Variants in OSBPL8 observed in about 807,000 individuals in gnomAD.
OSBPL8 encodes the protein oxysterol-binding protein-related protein 8.
In OSBPL8, 59 loss-of-function variants were observed where a neutral mutation model predicts 125.5. That is an observed-to-expected ratio of 0.47 (90% confidence interval 0.38 to 0.58). The LOEUF (loss-of-function observed/expected upper bound fraction) is 0.58, where lower values mean the gene tolerates loss of function less well. OSBPL8 is among the 20% of genes least tolerant of loss of function. The pLI, the probability that OSBPL8 is intolerant of heterozygous loss-of-function variation, is 0.00. For synonymous variants in OSBPL8, 330 were observed against 338.9 expected (o/e 0.97, Z 0.29); for missense variants, 758 against 1,047.8 (o/e 0.72, Z 3.82).
intron 2 of OSBPL8, 56 bp from the exon 3 acceptor site, chr12:76,459,951 C>A: frequency 6.4e-7 from 1 of 1,558,410 alleles, no homozygotes; most frequent in Non-Finnish European, 8.8e-7. Context: ...CAGGAAGAAG[C>A]AAAATGCATC....
intron 16 of OSBPL8, among the ~76,000 whole-genome samples, chr12:76,376,824 G>A (rs923347383): frequency 7.9e-5 from 12 of 151,948 alleles, no homozygotes; most frequent in African/African-American, 2.7e-4. Context: ...TGTGCAGAAC[G>A]TGAAGCTTTG....
At chr12:76,550,135 T>C (rs1328541073) in intron 1 of OSBPL8, among the ~76,000 whole-genome samples, 1 of 151,992 alleles carries the variant, frequency 6.6e-6, no homozygotes, top group Non-Finnish European at 1.5e-5. Context: ...AATAGAGGCA[T>C]ATAGTACAAG....
chr12:76,512,584 G>A (rs1881112108), intron 1 of OSBPL8, among the ~76,000 whole-genome samples: 1 of 152,096 alleles, frequency 6.6e-6, no homozygotes, highest in Non-Finnish European at 1.5e-5. Flanking sequence ...TTTTGTTACT[G>A]TAACCCTGTA....
chr12:76,548,039 CA>C, intron 1 of OSBPL8, among the ~76,000 whole-genome samples: 1 of 151,916 alleles, frequency 6.6e-6, no homozygotes, highest in South Asian at 2.1e-4. Flanking sequence ...TCTGCATTAA[CA>C]AAAAAATAGT....
intron 16 of OSBPL8, 27 bp downstream of exon 16, chr12:76,378,425 T>A: frequency 7.0e-7 from 1 of 1,427,260 alleles, no homozygotes; most frequent in East Asian, 2.3e-5. Flanking sequence ...AAGCTTAATA[T>A]CTAATTCAAG....
chr12:76,388,285 G>T, intron 12 of OSBPL8, among the ~76,000 whole-genome samples: 1 of 152,306 alleles, frequency 6.6e-6, no homozygotes, highest in Admixed American at 6.5e-5. Flanking sequence ...TGAGATTAGT[G>T]GATCAAATGA....
At chr12:76,440,339 G>A (rs1391192786) in intron 4 of OSBPL8, among the ~76,000 whole-genome samples, 1 of 151,992 alleles carries the variant, frequency 6.6e-6, no homozygotes, top group Admixed American at 6.5e-5. Context: ...ATCTGGTGGT[G>A]ACGGTATTTT....
At chr12:76,357,863 T>C (rs1456374841) in intron 22 of OSBPL8, among the ~76,000 whole-genome samples, 5 of 152,196 alleles carry the variant, frequency 3.3e-5, no homozygotes, top group African/African-American at 1.2e-4. Context: ...AAGTTTTTTT[T>C]TTTTTGTCAT....
intron 1 of OSBPL8, among the ~76,000 whole-genome samples, chr12:76,504,125 C>T (rs1880181191): frequency 6.7e-6 from 1 of 149,288 alleles, no homozygotes; most frequent in Non-Finnish European, 1.5e-5. Flanking sequence ...AAAAGAAATT[C>T]TGCCTCCAGA....
At chr12:76,421,890 T>C (rs1196882731) in intron 4 of OSBPL8, among the ~76,000 whole-genome samples, 6 of 147,620 alleles carry the variant, frequency 4.1e-5, no homozygotes, top group Non-Finnish European at 7.6e-5. Context: ...CTAATAAATA[T>C]AACCCTAAAA....
intron 4 of OSBPL8, among the ~76,000 whole-genome samples, chr12:76,430,090 G>A (rs1870628960): frequency 6.6e-6 from 1 of 152,078 alleles, no homozygotes; most frequent in Non-Finnish European, 1.5e-5. Context: ...AGACCTCAAA[G>A]ACAATCCTGT....
intron 4 of OSBPL8, among the ~76,000 whole-genome samples, chr12:76,442,631 C>T (rs183380233): frequency 2.0e-5 from 3 of 152,278 alleles, no homozygotes. Flanking sequence ...GTGGGTCTAA[C>T]TACAAGCCCT....
intron 1 of OSBPL8, among the ~76,000 whole-genome samples, chr12:76,544,829 A>T (rs980689400): frequency 6.6e-5 from 10 of 152,132 alleles, no homozygotes; most frequent in Non-Finnish European, 1.0e-4. Context: ...ATGTTACTTA[A>T]ACACTGAGTC....
intron 15 of OSBPL8, among the ~76,000 whole-genome samples, chr12:76,381,609 G>A (rs957035408): frequency 6.6e-6 from 1 of 151,850 alleles, no homozygotes; most frequent in African/African-American, 2.4e-5. Flanking sequence ...ATTATGAAAT[G>A]TTCTTTATCT....
At chr12:76,395,330 C>G (rs973050440) in intron 8 of OSBPL8, among the ~76,000 whole-genome samples, 2 of 152,058 alleles carry the variant, frequency 1.3e-5, no homozygotes, top group African/African-American at 2.4e-5. Context: ...ATCACCAATG[C>G]TAAACTTAGG....
chr12:76,461,733 G>A (rs1008768949), intron 2 of OSBPL8, among the ~76,000 whole-genome samples: 2 of 152,056 alleles, frequency 1.3e-5, no homozygotes, highest in Admixed American at 6.5e-5. Flanking sequence ...CACCGTGCCC[G>A]GCATAGTAAG....
At chr12:76,466,953 ACT>A (rs1488075348) in intron 2 of OSBPL8, among the ~76,000 whole-genome samples, 6 of 150,518 alleles carry the variant, frequency 4.0e-5, no homozygotes, top group South Asian at 2.1e-4. Context: ...CAAGAACGAA[ACT>A]CTGTCTCAAA....
At chr12:76,364,015 G>A (rs1173885102) in intron 21 of OSBPL8, among the ~76,000 whole-genome samples, 1 of 152,196 alleles carries the variant, frequency 6.6e-6, no homozygotes, top group African/African-American at 2.4e-5. Flanking sequence ...ATGCTGGAGA[G>A]GATGTGGAGA....
chr12:76,524,658 T>C (rs990915170), intron 1 of OSBPL8, among the ~76,000 whole-genome samples: 1 of 151,684 alleles, frequency 6.6e-6, no homozygotes, highest in African/African-American at 2.4e-5. Flanking sequence ...CAAAATTAAT[T>C]CATATCAAGA....
Sources: gnomAD v4.1 joint callset for allele counts (sites outside exome capture counted in the v4.1 genomes callset) on GRCh38, gnomAD v4.1.1 for gene constraint, MANE v1.5 for transcripts, NCBI Gene and HGNC (gene_info 2026-07-23, HGNC 2026-07-21) for gene names.